The following HELLS variants were observed in gnomAD, a reference collection of about 807,000 sequenced individuals.
The protein encoded by HELLS is helicase, lymphoid specific.
Under a neutral mutation model 120.0 loss-of-function variants are expected in HELLS, and 32 were observed. The observed-to-expected ratio is 0.27, with a 90% CI of 0.20 to 0.36. The LOEUF is 0.36. HELLS is among the 10% of genes least tolerant of loss of function. HELLS has a pLI of 1.00. For synonymous variants in HELLS, 341 were observed against 323.4 expected, an observed-to-expected ratio of 1.05 and a Z score of -0.58; for missense variants, 650 against 993.4, an observed-to-expected ratio of 0.65 and a Z score of 4.65.
intron 10 of HELLS, among the ~76,000 whole-genome samples, chr10:94,579,541 A>G (rs1049444975): frequency 1.3e-4 from 18 of 138,088 alleles, no homozygotes; most frequent in African/African-American, 4.3e-4. Context: ...TATACATTCA[A>G]TTTTTTTTTT....
rs368424287 is a variant in HELLS at position 94,545,907 on chromosome 10, G to T, written c.-15G>T. ...CTGAGAGGAGGGGACCCGGTTCCCG[G>T]GTGAGTGTCCAGGCATGCCAGCGGA... On this transcript the variant is annotated 5_prime_UTR_variant, in exon 1 of 22. Coordinates refer to ENST00000348459, the MANE Select transcript of HELLS (RefSeq NM_018063.5). 30 of 1,553,830 alleles carry T rather than the reference G, an allele frequency of 1.9e-5. No homozygotes were observed. In the African/African-American group the frequency reaches 4.0e-4, roughly 20 times the overall value.
intron 17 of HELLS, 50 bp from the exon 18 acceptor site, chr10:94,593,449 G>C (rs1289918585): frequency 8.7e-7 from 1 of 1,154,054 alleles, no homozygotes; most frequent in Non-Finnish European, 1.3e-6. Context: ...CTTCAGTCTT[G>C]TTGGTTAATT....
intron 9 of HELLS, 111 bp downstream of exon 9, chr10:94,574,847 A>C: frequency 1.2e-6 from 1 of 842,396 alleles, no homozygotes; most frequent in Non-Finnish European, 1.8e-6. Flanking sequence ...TTCTGTATAA[A>C]TATTTTGTCT....
At chr10:94,573,716 A>T (rs1276669507) in intron 7 of HELLS, among the ~76,000 whole-genome samples, 1 of 151,634 alleles carries the variant, frequency 6.6e-6, no homozygotes, top group African/African-American at 2.4e-5. Flanking sequence ...CTCCTGCCTC[A>T]GCTTCCCAAA....
At chr10:94,612,559 G>A (rs1846203428) in exon 10 of HELLS, 1 of 152,176 alleles carries the variant, frequency 6.6e-6, no homozygotes, top group African/African-American at 2.4e-5. Context: ...GAAACTTTCA[G>A]TTCCAATTTC....
intron 10 of HELLS, among the ~76,000 whole-genome samples, chr10:94,577,977 G>A (rs1341088775): frequency 6.6e-6 from 1 of 150,836 alleles, no homozygotes; most frequent in Non-Finnish European, 1.5e-5. Context: ...GCAGGAGAAT[G>A]GCGTGAACCC....
intron 2 of HELLS, among the ~76,000 whole-genome samples, chr10:94,549,069 G>A (rs73329634): frequency 0.034 from 5,175 of 151,916 alleles, 260 homozygotes; most frequent in African/African-American, 0.11. Flanking sequence ...TTGTGGTTTC[G>A]TATTACATTG....
At chr10:94,578,943 GCTGTAAATACAGATGAAGCTTCCCTTTT>G (rs1430155532) in intron 10 of HELLS, among the ~76,000 whole-genome samples, 6 of 152,132 alleles carry the variant, frequency 3.9e-5, no homozygotes, top group African/African-American at 7.2e-5. Flanking sequence ...GTGGGGAGTG[GCTGTAAATACAGATGAAGCTTCCCTTTT>G]CTGTAAATAC....
chr10:94,565,165 C>T (rs1343442326), intron 6 of HELLS, among the ~76,000 whole-genome samples: 1 of 152,078 alleles, frequency 6.6e-6, no homozygotes, highest in Non-Finnish European at 1.5e-5. Context: ...GGTGAAACCC[C>T]GTCTCTACTA....
chr10:94,575,902 A>AT (rs1844452628), intron 9 of HELLS, among the ~76,000 whole-genome samples: 1 of 151,306 alleles, frequency 6.6e-6, no homozygotes, highest in African/African-American at 2.4e-5. Flanking sequence ...GGTTCAAGCG[A>AT]TTCTCCTGTC....
chr10:94,586,315 G>C (rs949639551), intron 12 of HELLS, among the ~76,000 whole-genome samples: 1 of 152,094 alleles, frequency 6.6e-6, no homozygotes, highest in South Asian at 2.1e-4. Flanking sequence ...TAGAGACGGA[G>C]TTTCACTGTG....
At chr10:94,609,013 T>TTC (rs1846159450) in intron 9 of HELLS, among the ~76,000 whole-genome samples, 1 of 45,994 alleles carries the variant, frequency 2.2e-5, no homozygotes, top group Non-Finnish European at 4.4e-5. Context: ...ATCCACCTCT[T>TTC]TTTTTTTTTT....
intron 2 of HELLS, 39 bp from the exon 3 acceptor site, chr10:94,554,087 G>A (rs1261938736): frequency 7.3e-6 from 11 of 1,513,302 alleles, no homozygotes; most frequent in Non-Finnish European, 6.1e-6. Flanking sequence ...AGGTATGTCA[G>A]AAAGTGTTCA....
rs1345163875 is a variant in HELLS, at chr10:94,560,892, C to G, written c.334-1799C>G. 2.0e-5 allele frequency among the ~76,000 whole-genome samples: 3 copies of G among 151,856 alleles called. No homozygotes were observed. The South Asian group carries it at 6.2e-4, about 32-fold the overall frequency. ...CCAACATGGTGAAACCCAGTCTCTA[C>G]TAAAAATACAAAAATTAGCCAGGCA... On this transcript the variant is annotated intron_variant, in intron 4 of 21. Transcript: ENST00000348459.
At chr10:94,598,573 T>C (rs140564039) in intron 21 of HELLS, among the ~76,000 whole-genome samples, 7 of 152,060 alleles carry the variant, frequency 4.6e-5, no homozygotes, top group Admixed American at 1.3e-4. Context: ...ATTCTGTGTC[T>C]TATTGAATCA....
rs533609039 is a variant in HELLS, at chr10:94,590,289, CACA to C, written c.1489-120_1489-118del. On this transcript the variant is annotated intron_variant, in intron 13 of 21. Coordinates refer to ENST00000348459, the MANE Select transcript of HELLS (RefSeq NM_018063.5). ...CCATGTTAAAATTAAACTAATTTCC[CACA>C]ACATTTGTATTTGTCTATAGATTGT... 4.9e-6 allele frequency: 4 copies of C among 812,866 alleles called. No individual in the cohort carries two copies. In the African/African-American group the frequency reaches 5.3e-5, roughly 11 times the overall value. The allele number at this position is 812,866 out of a possible 1,614,324, so 50.4% of individuals were successfully genotyped here.
rs372532589 is a variant in HELLS, at chr10:94,590,456, G to A, written c.1532G>A (p.Arg511Gln). Residue 511 changes from arginine to glutamine, a missense_variant, in exon 14 of 22, where the codon CGA (arginine) becomes CAA (glutamine). This residue lies in a region of HELLS where 191 missense variants were observed against 259.7 expected (regional missense o/e 0.74). Transcript: ENST00000348459. ...AGTCCTACTGGTCGACCAAAACGAC[G>A]AACTAGAAAATCAATAAATTACAGC... ...ELSPTGRPKR[R>Q]TRKSINYSKI... is the part of the protein sequence containing the mutation. The A allele has an allele frequency of 1.5e-5, 24 of 1,611,038 alleles. No individual in the cohort carries two copies. Among genetic ancestry groups the A allele is most frequent in the African/African-American group, 1.3e-5 (1 of 74,734 alleles).
At chr10:94,605,077 C>T (rs956584685), downstream of HELLS, among the ~76,000 whole-genome samples, 8 of 124,750 alleles carry the variant, frequency 6.4e-5, 2 homozygotes, top group African/African-American at 9.3e-5. Flanking sequence ...GTGTCTCCCC[C>T]CCCCCCCCTT....
intron 7 of HELLS, among the ~76,000 whole-genome samples, chr10:94,572,771 T>A (rs958030855): frequency 6.6e-6 from 1 of 152,210 alleles, no homozygotes; most frequent in African/African-American, 2.4e-5. Context: ...AGTAAACACA[T>A]CATTTTATTC....
Sources: allele counts gnomAD v4.1 joint callset (sites outside exome capture counted in the v4.1 genomes callset), GRCh38; gene constraint gnomAD v4.1.1; regional missense constraint gnomAD v4.1.1; transcripts MANE v1.5; gene names NCBI Gene and HGNC (gene_info 2026-07-23, HGNC 2026-07-21).